SYMPK: variants seen among roughly 807,000 people sequenced by gnomAD.
The protein encoded by SYMPK is symplekin.
SYMPK carries 49 observed loss-of-function variants against 136.4 expected under a neutral mutation model. The ratio of observed to expected loss-of-function variants is 0.36; its 90% CI spans 0.29 to 0.46. The LOEUF (loss-of-function observed/expected upper bound fraction) is 0.46. Ranked by LOEUF, SYMPK falls within the 20% of genes least tolerant of loss-of-function variation. The probability of loss-of-function intolerance (pLI) is 1.00; values close to 1 mark genes in which losing one functional copy is unlikely to be tolerated. For missense variants in SYMPK, 1,365 were observed against 1,690.0 expected (o/e 0.81, Z 3.37); for synonymous variants, 766 against 713.0 (o/e 1.07, Z -1.19).
intron 10 of SYMPK, among the ~76,000 whole-genome samples, chr19:45,836,729 C>T (rs1971310149): frequency 6.6e-6 from 1 of 152,110 alleles, no homozygotes; most frequent in South Asian, 2.1e-4. Context: ...GCCTCAAATT[C>T]CTGGGCTTAA....
chr19:45,815,818 TTCTTCCTTCGCAGCGGAGGCTGC>T lies in SYMPK; in HGVS notation c.3687+10_3687+32del. On this transcript the variant is annotated intron_variant, in intron 26 of 26. Coordinates refer to ENST00000245934, the MANE Select transcript of SYMPK (RefSeq NM_004819.3). Reference sequence around the variant, plus strand: ...ACCTTCACCCCGGCCCAGATCCGGCTTCTTCCTTCGCAGCGGAGGCTGCTCTCCCTACCTTGGGTAGGGGGCCC... The same window carrying T: ...ACCTTCACCCCGGCCCAGATCCGGCTTCTCCCTACCTTGGGTAGGGGGCCC... The T allele has an allele frequency of 6.2e-7, 1 of 1,606,436 alleles. No homozygotes were observed. Among genetic ancestry groups the T allele is most frequent in the Non-Finnish European group, 8.5e-7 (1 of 1,176,926 alleles).
rs1347141737 is a variant in SYMPK, at chr19:45,823,789, A to G, written c.2577T>C (p.Cys859=). 1 of 1,613,980 alleles carries G rather than the reference A, an allele frequency of 6.2e-7. No homozygotes were observed. The highest frequency in any genetic ancestry group is 8.5e-7 in the Non-Finnish European group (1 of 1,179,998). The change falls in exon 19 of 27, where the codon TGT becomes TGC. Residue 859 remains cysteine, a synonymous_variant. Coordinates refer to ENST00000245934, the MANE Select transcript of SYMPK (RefSeq NM_004819.3). ...CACCTTTGTCTGTGAGGCTGTGCAG[A>G]CATCTCGTGACCAGTGTCTCTGCTC... ...PKGAETLVTR[C]LHSLTDKVPP...
intron 16 of SYMPK, among the ~76,000 whole-genome samples, 186 bp downstream of exon 16, chr19:45,827,324 G>A (rs1395003734): frequency 6.6e-6 from 1 of 151,036 alleles, no homozygotes; most frequent in Non-Finnish European, 1.5e-5. Context: ...CTGGTTTCTA[G>A]GCAGCTTGAT....
rs377116536 is a variant in SYMPK at position 45,815,923 on chromosome 19, G to A, written c.3615C>T (p.Ile1205=). 277 of 1,612,172 alleles carry A rather than the reference G, an allele frequency of 1.7e-4. No homozygotes were observed. Among genetic ancestry groups the A allele is most frequent in the Non-Finnish European group, 1.9e-4 (228 of 1,179,882 alleles). Residue 1205 remains isoleucine, a synonymous_variant, in exon 26 of 27, where the codon ATC becomes ATT. Coordinates refer to ENST00000245934, the MANE Select transcript of SYMPK (RefSeq NM_004819.3). ...TCAGCCCCGAGTCGTCATCCATGCT[G>A]ATGAAGATGCCCGGGGTCTCGCACT... ...GPECETPGIF[I]SMDDDSGLTE... is the part of the protein sequence containing the mutation.
At chr19:45,852,253 AC>A in intron 5 of SYMPK, 58 bp downstream of exon 5, 6 of 1,592,366 alleles carry the variant, frequency 3.8e-6, no homozygotes, top group Non-Finnish European at 5.2e-6. Flanking sequence ...AGGCCAGGCC[AC>A]GAGCTGAAGG....
intron 9 of SYMPK, among the ~76,000 whole-genome samples, 200 bp from the exon 10 acceptor site, chr19:45,838,815 C>A (rs1384954612): frequency 6.6e-6 from 1 of 152,202 alleles, no homozygotes; most frequent in African/African-American, 2.4e-5. Context: ...TCGTTCTGAA[C>A]CTCAGATCTC....
chr19:45,855,976 A>C (rs1971812993), intron 1 of SYMPK, among the ~76,000 whole-genome samples: 2 of 152,158 alleles, frequency 1.3e-5, no homozygotes, highest in Non-Finnish European at 2.9e-5. Context: ...ACTCAAAAAA[A>C]AGAAAGGGGA....
chr19:45,847,707 A>G (rs1271425141), intron 7 of SYMPK, 45 bp downstream of exon 7: 1 of 1,579,696 alleles, frequency 6.3e-7, no homozygotes, highest in South Asian at 1.1e-5. Context: ...AGGAGAGGAA[A>G]CTGGTGCAGG....
chr19:45,823,317 C>T, intron 20 of SYMPK, 55 bp downstream of exon 20: 4 of 1,562,756 alleles, frequency 2.6e-6, no homozygotes, highest in East Asian at 2.2e-5. Flanking sequence ...TGCCCTGCCC[C>T]TCCCAGTCCC....
At chr19:45,849,178 G>A (rs149194367) in intron 5 of SYMPK, among the ~76,000 whole-genome samples, 122 of 152,260 alleles carry the variant, frequency 8.0e-4, no homozygotes, top group South Asian at 3.3e-3. Context: ...TAGAATAATA[G>A]TATCTATCCA....
chr19:45,855,743 C>T (rs1971807954), intron 1 of SYMPK: 1 of 152,178 alleles, frequency 6.6e-6, no homozygotes, highest in Non-Finnish European at 1.5e-5. Flanking sequence ...TGCCTGTACT[C>T]CCAACACTTT....
rs1970909713 is a variant in SYMPK at position 45,821,897 on chromosome 19, G to A, written c.2792-412C>T. On this transcript the variant is annotated intron_variant, in intron 21 of 26. Transcript: ENST00000245934. The surrounding 1 kb of genome is among the most constrained non-coding windows in gnomAD (Gnocchi z 4.4). ...GGCTACAGGCTTCCAAAAAGTGGCT[G>A]GAGCCTTCTGCTGTGTGGGGCCTGG... is the stretch of plus-strand genomic sequence containing the variant. 2.6e-5 allele frequency among the ~76,000 whole-genome samples: 4 copies of A among 152,160 alleles called. No individual in the cohort carries two copies.
chr19:45,829,154 T>C lies in SYMPK; in HGVS notation c.1801A>G (p.Lys601Glu), dbSNP rs1231384036. 1 of 1,614,154 alleles carries C rather than the reference T, an allele frequency of 6.2e-7. No individual in the cohort carries two copies. The highest frequency in any genetic ancestry group is 8.5e-7 in the Non-Finnish European group (1 of 1,180,026). The part of the protein sequence containing the change: ...SLVTQFNSGL[K>E]AEVLSFILED... ...AGGATGAAGGACAGGACCTCCGCCT[T>C]CAGGCCCGAGTTGAACTGTGTCACC... is the stretch of plus-strand genomic sequence containing the variant. Residue 601 changes from lysine to glutamate, a missense_variant, in exon 14 of 27, where the codon AAG becomes GAG. Transcript: ENST00000245934.
chr19:45,854,652 C>T, intron 1 of SYMPK, 145 bp from the exon 2 acceptor site: 1 of 652,052 alleles, frequency 1.5e-6, no homozygotes. Flanking sequence ...AGTCCCTCTC[C>T]CCTCCAGGGT....
intron 5 of SYMPK, among the ~76,000 whole-genome samples, chr19:45,851,155 C>T (rs1411486028): frequency 1.3e-5 from 2 of 152,186 alleles, no homozygotes; most frequent in East Asian, 1.9e-4. Context: ...CATTTAACAG[C>T]GTCACTCTGG....
rs1343220202 is a variant in SYMPK at position 45,821,825 on chromosome 19, G to A, written c.2792-340C>T. Among the ~76,000 whole-genome samples the A allele has an allele frequency of 2.6e-5, 4 of 152,148 alleles. No homozygotes were observed. The highest frequency in any genetic ancestry group is 1.9e-4 in the East Asian group (1 of 5,184). ...TGGTCCCCAACACAGACTCCACCGC[G>A]GCACAGGGGGTCATGGGCATTTGTG... is the stretch of plus-strand genomic sequence containing the variant. On this transcript the variant is annotated intron_variant, in intron 21 of 26. Coordinates refer to ENST00000245934, the MANE Select transcript of SYMPK (RefSeq NM_004819.3). This position sits in a 1 kb window ranked among gnomAD's most constrained non-coding sequence, Gnocchi z 4.4.
At chr19:45,856,333 C>G (rs1971821271) in intron 1 of SYMPK, among the ~76,000 whole-genome samples, 1 of 151,814 alleles carries the variant, frequency 6.6e-6, no homozygotes. Context: ...AAGACAGACT[C>G]CATCTCAAAA....
intron 25 of SYMPK, 50 bp downstream of exon 25, chr19:45,816,432 T>C: frequency 6.4e-7 from 1 of 1,567,870 alleles, no homozygotes; most frequent in Non-Finnish European, 8.6e-7. Flanking sequence ...TGGCTTGGGG[T>C]AGGGGGTGGG....
At chr19:45,827,448 G>C (rs115830548) in intron 16 of SYMPK, 62 bp downstream of exon 16, 1 of 1,213,070 alleles carries the variant, frequency 8.2e-7, no homozygotes, top group East Asian at 2.4e-5. Context: ...GGTTACTCAG[G>C]ATAGAGGCGG....
Sources: allele counts gnomAD v4.1 joint callset (sites outside exome capture counted in the v4.1 genomes callset), GRCh38; gene constraint gnomAD v4.1.1; non-coding constraint Gnocchi (gnomAD v3.1); transcripts MANE v1.5; gene names NCBI Gene and HGNC (gene_info 2026-07-23, HGNC 2026-07-21).